TMEM184B: variants seen among roughly 807,000 people sequenced by gnomAD.
The protein encoded by TMEM184B is putative MAPK-activating protein FM08.
In TMEM184B, 17 loss-of-function variants were observed where a neutral mutation model predicts 41.8. The ratio of observed to expected loss-of-function variants is 0.41; its 90% CI spans 0.28 to 0.61. The LOEUF is 0.61. Ranked by LOEUF, TMEM184B falls within the 20% of genes least tolerant of loss-of-function variation. TMEM184B has a pLI of 0.34. For missense variants in TMEM184B, 393 were observed against 557.8 expected (o/e 0.70, Z 2.98); for synonymous variants, 240 against 229.5 (o/e 1.05, Z -0.41).
chr22:38,231,682 C>T (rs996320203), intron 3 of TMEM184B: 11 of 452,844 alleles, frequency 2.4e-5, no homozygotes, highest in Admixed American at 2.0e-4. Context: ...CTGGCAGTGT[C>T]GACCCTGGGG....
intron 3 of TMEM184B, among the ~76,000 whole-genome samples, chr22:38,243,733 C>A (rs944712610): frequency 6.6e-6 from 1 of 152,136 alleles, no homozygotes; most frequent in African/African-American, 2.4e-5. Flanking sequence ...GTTACTGAGG[C>A]CCCACATGGA....
intron 5 of TMEM184B, among the ~76,000 whole-genome samples, chr22:38,229,508 A>G (rs1275419162): frequency 6.6e-6 from 1 of 152,260 alleles, no homozygotes; most frequent in East Asian, 1.9e-4. Flanking sequence ...AATCAGGCTC[A>G]GATGGTCAGA....
chr22:38,230,577 A>T, intron 5 of TMEM184B, 92 bp downstream of exon 5: 1 of 1,314,948 alleles, frequency 7.6e-7, no homozygotes, highest in Admixed American at 2.0e-5. Context: ...AGGAAAGGGG[A>T]CCTCTAAGGT....
At chr22:38,259,805 T>C (rs1344233536) in intron 1 of TMEM184B, among the ~76,000 whole-genome samples, 2 of 152,242 alleles carry the variant, frequency 1.3e-5, no homozygotes, top group African/African-American at 4.8e-5. Context: ...AGAAGGAGTC[T>C]CACTCTGTGG....
intron 3 of TMEM184B, among the ~76,000 whole-genome samples, chr22:38,236,375 C>T (rs2091773574): frequency 1.3e-5 from 2 of 152,196 alleles, no homozygotes; most frequent in South Asian, 4.1e-4. Flanking sequence ...GGGTCACTCT[C>T]TTAATAGACG....
chr22:38,246,215 C>G, intron 2 of TMEM184B, 115 bp from the exon 3 acceptor site: 1 of 1,298,410 alleles, frequency 7.7e-7, no homozygotes, highest in Non-Finnish European at 1.1e-6. Context: ...CGTGACCTAC[C>G]CCTGAGCCTC....
chr22:38,244,211 T>A (rs1258619427), intron 3 of TMEM184B, among the ~76,000 whole-genome samples: 1 of 152,070 alleles, frequency 6.6e-6, no homozygotes, highest in Non-Finnish European at 1.5e-5. Flanking sequence ...AGTTTCAACG[T>A]GGAGAGGAAG....
intron 8 of TMEM184B, 139 bp from the exon 9 acceptor site, chr22:38,221,849 G>A (rs2091270290): frequency 8.0e-7 from 1 of 1,247,952 alleles, no homozygotes; most frequent in South Asian, 1.5e-5. Flanking sequence ...CTGGGACAGA[G>A]AATGGGGTCC....
intron 1 of TMEM184B, among the ~76,000 whole-genome samples, chr22:38,262,618 T>C (rs556692157): frequency 1.5e-4 from 23 of 152,312 alleles, no homozygotes; most frequent in Non-Finnish European, 2.4e-4. Context: ...TCAGAAATCA[T>C]GACGTGAGCC....
At chr22:38,237,415 G>T (rs550743038) in intron 3 of TMEM184B, among the ~76,000 whole-genome samples, 21 of 152,216 alleles carry the variant, frequency 1.4e-4, no homozygotes, top group African/African-American at 4.8e-4. Flanking sequence ...CACACACTGC[G>T]TGCGGGACCC....
rs2091204444 is a variant in TMEM184B at position 38,219,620 on chromosome 22, G to A, written c.*1849C>T. ...ATGTTCCCGTCCCCACGACCCCACGGACCGCTGATTCCCTGCCACTGAGCT... is the reference window on the plus strand; with the variant it reads ...ATGTTCCCGTCCCCACGACCCCACGAACCGCTGATTCCCTGCCACTGAGCT... On this transcript the variant is annotated 3_prime_UTR_variant, in exon 9 of 9. Coordinates refer to ENST00000361906, the MANE Select transcript of TMEM184B (RefSeq NM_012264.5). The A allele has an allele frequency of 2.0e-5, 20 of 985,274 alleles. No individual in the cohort carries two copies. Among genetic ancestry groups the A allele is most frequent in the Non-Finnish European group, 2.2e-5 (18 of 829,922 alleles). 61.0% of individuals were successfully genotyped at this position (985,274 alleles called of 1,614,324 possible). A position where few individuals can be genotyped will look rare whatever the true frequency, so the allele number is the denominator to read the frequency against.
At chr22:38,243,878 C>T (rs1474988944) in intron 3 of TMEM184B, among the ~76,000 whole-genome samples, 1 of 152,142 alleles carries the variant, frequency 6.6e-6, no homozygotes, top group African/African-American at 2.4e-5. Context: ...GCTAATCATG[C>T]TCAGGAAGAT....
chr22:38,256,556 A>G (rs2092283005), intron 1 of TMEM184B, among the ~76,000 whole-genome samples: 1 of 152,134 alleles, frequency 6.6e-6, no homozygotes, highest in Admixed American at 6.5e-5. Context: ...GCTTTTCCAC[A>G]AGATAACCAA....
chr22:38,217,600 C>G (rs2091164745), downstream of TMEM184B, among the ~76,000 whole-genome samples: 1 of 151,878 alleles, frequency 6.6e-6, no homozygotes, highest in Non-Finnish European at 1.5e-5. Flanking sequence ...TGAGATCGCG[C>G]CACTGGACTC....
intron 1 of TMEM184B, among the ~76,000 whole-genome samples, chr22:38,271,632 G>A (rs1409977363): frequency 1.3e-5 from 2 of 152,084 alleles, no homozygotes; most frequent in Non-Finnish European, 2.9e-5. Context: ...TCCTTTGTTT[G>A]GTATTTTTCA....
intron 1 of TMEM184B, among the ~76,000 whole-genome samples, chr22:38,257,445 G>A (rs942799647): frequency 6.6e-6 from 1 of 152,120 alleles, no homozygotes; most frequent in Non-Finnish European, 1.5e-5. Flanking sequence ...TCTGCTCCGT[G>A]TGCAGCTTCC....
Position 38,226,898 on chromosome 22 carries a change from TGGA to T in TMEM184B, c.526-31_526-29del, listed in dbSNP as rs112350869. ...GTTGGGGGGAAAAGGAGGTTGAGTG[TGGA>T]GGAGGAGCACAGAAGGCATGAAGCA... On this transcript the variant is annotated intron_variant, in intron 5 of 8. Transcript: ENST00000361906. The surrounding 1 kb of genome is among the most constrained non-coding windows in gnomAD (Gnocchi z 4.6). The T allele has an allele frequency of 0.013, 20,884 of 1,561,866 alleles. 2,263 individuals are homozygous for T. In the African/African-American group the frequency reaches 0.24, roughly 18 times the overall value.
At chr22:38,237,466 CT>C (rs2091803978) in intron 3 of TMEM184B, among the ~76,000 whole-genome samples, 1 of 152,288 alleles carries the variant, frequency 6.6e-6, no homozygotes, top group African/African-American at 2.4e-5. Flanking sequence ...AGCTCACCCC[CT>C]GTGCACACCT....
chr22:38,234,520 G>T (rs903906394), intron 3 of TMEM184B, among the ~76,000 whole-genome samples: 1 of 152,208 alleles, frequency 6.6e-6, no homozygotes, highest in African/African-American at 2.4e-5. Flanking sequence ...GAAACTGGAT[G>T]GTTGTTTTAC....
Sources: allele counts gnomAD v4.1 joint callset (sites outside exome capture counted in the v4.1 genomes callset), GRCh38; gene constraint gnomAD v4.1.1; non-coding constraint Gnocchi (gnomAD v3.1); transcripts MANE v1.5; gene names NCBI Gene and HGNC (gene_info 2026-07-23, HGNC 2026-07-21).